TMEM108: variants seen among roughly 807,000 people sequenced by gnomAD.
The protein encoded by TMEM108 is transmembrane protein 108.
Under a neutral mutation model 35.1 loss-of-function variants are expected in TMEM108, and 12 were observed. The ratio of observed to expected loss-of-function variants is 0.34; its 90% CI spans 0.22 to 0.55. TMEM108 has a LOEUF of 0.55. Among genes scored for constraint, TMEM108 ranks in the 20% least tolerant of loss-of-function variants. The pLI is 0.89. For missense variants in TMEM108, 680 were observed against 753.3 expected, an observed-to-expected ratio of 0.90 and a Z score of 1.14; for synonymous variants, 287 against 308.6, an observed-to-expected ratio of 0.93 and a Z score of 0.73.
chr3:133,232,051 G>T (rs1946161375), intron 3 of TMEM108, among the ~76,000 whole-genome samples: 1 of 152,132 alleles, frequency 6.6e-6, no homozygotes, highest in African/African-American at 2.4e-5. Context: ...CAGCAGTGTG[G>T]TCCCTCTGCT....
intron 2 of TMEM108, among the ~76,000 whole-genome samples, chr3:133,204,922 T>C (rs1945728890): frequency 1.3e-5 from 2 of 152,186 alleles, no homozygotes; most frequent in Admixed American, 1.3e-4. Flanking sequence ...CCCGCTATTA[T>C]TTTGTGGGAG....
intron 2 of TMEM108, among the ~76,000 whole-genome samples, chr3:133,170,661 TAA>T (rs1298889232): frequency 1.3e-5 from 2 of 152,124 alleles, no homozygotes; most frequent in Non-Finnish European, 2.9e-5. Flanking sequence ...GTCAAAATAT[TAA>T]AGTCAGAGTT....
chr3:133,364,347 A>AGT (rs1358664216), intron 3 of TMEM108, among the ~76,000 whole-genome samples: 2 of 152,236 alleles, frequency 1.3e-5, no homozygotes, highest in Non-Finnish European at 2.9e-5. Context: ...ACAGCCAGTA[A>AGT]GTGTGTGCTG....
chr3:133,278,818 A>G (rs1946872098), intron 3 of TMEM108, among the ~76,000 whole-genome samples: 1 of 152,214 alleles, frequency 6.6e-6, no homozygotes, highest in Non-Finnish European at 1.5e-5. Context: ...TACCCAGTGT[A>G]GTTCAGCATT....
At chr3:133,063,066 G>C (rs1943554363) in intron 2 of TMEM108, among the ~76,000 whole-genome samples, 1 of 152,184 alleles carries the variant, frequency 6.6e-6, no homozygotes, top group African/African-American at 2.4e-5. Context: ...CCTGGGGTCA[G>C]AGACTTGCTG....
chr3:133,056,093 A>G (rs34868922), intron 2 of TMEM108, among the ~76,000 whole-genome samples: 18,955 of 151,944 alleles, frequency 0.12, 1,345 homozygotes, highest in African/African-American at 0.2. Flanking sequence ...TAAGTTCTTT[A>G]GTCTCTTTGC....
At chr3:133,176,070 A>C (rs771851473) in intron 2 of TMEM108, among the ~76,000 whole-genome samples, 1 of 152,248 alleles carries the variant, frequency 6.6e-6, no homozygotes, top group South Asian at 2.1e-4. Flanking sequence ...CAAAAGAGAC[A>C]AAGAAGGTTG....
chr3:133,050,942 A>G (rs1431828819), intron 2 of TMEM108, among the ~76,000 whole-genome samples: 6 of 151,458 alleles, frequency 4.0e-5, no homozygotes, highest in Non-Finnish European at 8.8e-5. Context: ...TGTTTTGGCA[A>G]TCATGAATAA....
intron 2 of TMEM108, among the ~76,000 whole-genome samples, chr3:133,160,917 G>C (rs1319884930): frequency 6.6e-6 from 1 of 152,154 alleles, no homozygotes; most frequent in Non-Finnish European, 1.5e-5. Context: ...ACTGTCACCT[G>C]AGCCCCTGTA....
At chr3:133,073,121 T>C (rs902681693) in intron 2 of TMEM108, among the ~76,000 whole-genome samples, 1 of 152,160 alleles carries the variant, frequency 6.6e-6, no homozygotes, top group Non-Finnish European at 1.5e-5. Flanking sequence ...CACATATTTA[T>C]TTGTGGTAAG....
intron 2 of TMEM108, among the ~76,000 whole-genome samples, chr3:133,118,394 T>C (rs16839984): frequency 0.49 from 74,529 of 151,956 alleles, 20,161 homozygotes; most frequent in Non-Finnish European, 0.6. Context: ...TAATGCAATA[T>C]TTATGGAATT....
intron 2 of TMEM108, among the ~76,000 whole-genome samples, chr3:133,221,023 T>A (rs1465144149): frequency 1.3e-5 from 2 of 152,244 alleles, no homozygotes; most frequent in African/African-American, 4.8e-5. Context: ...GTCCCAAGCA[T>A]AGGAGCTTCT....
chr3:133,123,751 A>G (rs1944381819), intron 2 of TMEM108, among the ~76,000 whole-genome samples: 1 of 152,244 alleles, frequency 6.6e-6, no homozygotes, highest in Non-Finnish European at 1.5e-5. Context: ...TTTGCACCCT[A>G]CCAGCAGGAA....
At chr3:133,059,175 C>T (rs1943507613) in intron 2 of TMEM108, among the ~76,000 whole-genome samples, 1 of 152,198 alleles carries the variant, frequency 6.6e-6, no homozygotes, top group Non-Finnish European at 1.5e-5. Flanking sequence ...TGAATCGCCT[C>T]TCAAAGACGC....
At chr3:133,094,081 G>A (rs185568305) in intron 2 of TMEM108, among the ~76,000 whole-genome samples, 20 of 152,156 alleles carry the variant, frequency 1.3e-4, no homozygotes, top group Non-Finnish European at 1.5e-5. Context: ...CAAAGTTTCC[G>A]GTTTAGTCCT....
intron 2 of TMEM108, among the ~76,000 whole-genome samples, chr3:133,143,997 A>C (rs1944678351): frequency 7.1e-6 from 1 of 140,318 alleles, no homozygotes; most frequent in South Asian, 2.2e-4. Context: ...CTTTGCTTTA[A>C]ATTCTGGGGT....
chr3:133,287,314 A>G (rs1245453190), intron 3 of TMEM108, among the ~76,000 whole-genome samples: 1 of 152,210 alleles, frequency 6.6e-6, no homozygotes, highest in Non-Finnish European at 1.5e-5. Flanking sequence ...GGTATGAGTG[A>G]CCTCAGTTAA....
At chr3:133,084,291 C>T (rs1486450344) in intron 2 of TMEM108, among the ~76,000 whole-genome samples, 1 of 152,160 alleles carries the variant, frequency 6.6e-6, no homozygotes, top group Non-Finnish European at 1.5e-5. Context: ...AGATTTTCTT[C>T]AATGCTTGAT....
intron 2 of TMEM108, among the ~76,000 whole-genome samples, chr3:133,121,866 CT>C (rs1944356834): frequency 6.6e-6 from 1 of 152,100 alleles, no homozygotes; most frequent in Non-Finnish European, 1.5e-5. Context: ...AAAGGCAATG[CT>C]CTATTTTTTT....
Sources: allele counts gnomAD v4.1 joint callset (sites outside exome capture counted in the v4.1 genomes callset), GRCh38; gene constraint gnomAD v4.1.1; transcripts MANE v1.5; gene names NCBI Gene and HGNC (gene_info 2026-07-23, HGNC 2026-07-21).